The following PTMA variants were observed in gnomAD, a reference collection of about 807,000 sequenced individuals.
PTMA encodes the protein gene sequence 28.
In PTMA, 4 loss-of-function variants were observed where a neutral mutation model predicts 16.9. That is an observed-to-expected ratio of 0.24 (90% confidence interval 0.12 to 0.54). The LOEUF is 0.54. Ranked by LOEUF, PTMA falls within the 20% of genes least tolerant of loss-of-function variation. The pLI is 0.95. For missense variants in PTMA, 120 were observed against 137.7 expected (o/e 0.87, Z 0.64); for synonymous variants, 58 against 47.9 (o/e 1.21, Z -0.87).
intron 3 of PTMA, 37 bp downstream of exon 3, chr2:231,712,020 T>C (rs1241244919): frequency 6.4e-7 from 1 of 1,550,846 alleles, no homozygotes; most frequent in Non-Finnish European, 8.7e-7. Context: ...TTTCAGGTAC[T>C]TTTTCCTGGC....
chr2:231,711,080 A>C, intron 1 of PTMA: 1 of 326,402 alleles, frequency 3.1e-6, no homozygotes, highest in Non-Finnish European at 5.7e-6. Flanking sequence ...TTTCCTGGGA[A>C]GCGCCAGGGG....
In PTMA at chr2:231,712,915, T is replaced by G; in HGVS notation, c.*64T>G. The G allele has an allele frequency of 2.0e-6, 3 of 1,485,866 alleles. No individual in the cohort carries two copies. Among genetic ancestry groups the G allele is most frequent in the Non-Finnish European group, 2.7e-6 (3 of 1,103,618 alleles). 92.0% of individuals were successfully genotyped at this position (1,485,866 alleles called of 1,614,324 possible). On this transcript the variant is annotated 3_prime_UTR_variant, in exon 5 of 5. Coordinates refer to ENST00000409115, the MANE Select transcript of PTMA (RefSeq NM_002823.5). ...CCGCCGTGACCTATTCACCCTCCACTTCCCGTCTCAGAATCTAAACGTGGT... is the reference window on the plus strand; with the variant it reads ...CCGCCGTGACCTATTCACCCTCCACGTCCCGTCTCAGAATCTAAACGTGGT...
chr2:231,709,628 T>TG (rs746355592), intron 1 of PTMA, among the ~76,000 whole-genome samples: 116 of 152,094 alleles, frequency 7.6e-4, no homozygotes, highest in Admixed American at 2.4e-3. Flanking sequence ...AGGGTCGAAC[T>TG]GGGGGGGCGC....
chr2:231,709,278 TA>T (rs571814042), intron 1 of PTMA, among the ~76,000 whole-genome samples: 193 of 152,076 alleles, frequency 1.3e-3, no homozygotes, highest in Non-Finnish European at 2.3e-3. Flanking sequence ...TTGTCTAGAC[TA>T]AGTCCCGATA....
chr2:231,710,295 C>G (rs2048500266), intron 1 of PTMA: 1 of 1,269,178 alleles, frequency 7.9e-7, no homozygotes, highest in Non-Finnish European at 1.0e-6. Context: ...GGCCGGGAGT[C>G]TCCAAGGCAA....
chr2:231,710,209 G>C, intron 1 of PTMA: 1 of 1,336,096 alleles, frequency 7.5e-7, no homozygotes, highest in Non-Finnish European at 9.7e-7. Flanking sequence ...CGGGGTGGCG[G>C]CAGTGGGGCG....
intron 1 of PTMA, 61 bp downstream of exon 1, chr2:231,708,812 G>A (rs558465855): frequency 1.9e-6 from 3 of 1,562,218 alleles, no homozygotes; most frequent in South Asian, 1.1e-5. Flanking sequence ...GCGGTGTTTG[G>A]CGCGCAGCAG....
intron 1 of PTMA, 56 bp downstream of exon 1, chr2:231,708,807 G>A (rs2048474036): frequency 1.3e-6 from 2 of 1,574,374 alleles, no homozygotes; most frequent in South Asian, 1.1e-5. Flanking sequence ...CTCGGGCGGT[G>A]TTTGGCGCGC....
At chr2:231,711,126 C>T (rs1357790204) in intron 1 of PTMA, 1 of 441,770 alleles carries the variant, frequency 2.3e-6, no homozygotes, top group Non-Finnish European at 4.0e-6. Flanking sequence ...CTGTAGCGGG[C>T]CTTAAAGGAT....
At chr2:231,710,597 G>A (rs751542895) in intron 1 of PTMA, 1 of 498,198 alleles carries the variant, frequency 2.0e-6, no homozygotes, top group South Asian at 1.6e-5. Flanking sequence ...TGGTATTGGT[G>A]GCCGTGTCGT....
chr2:231,712,989 G>A lies in PTMA; in HGVS notation c.*138G>A, dbSNP rs62197233. 4.4e-3 allele frequency: 3,737 copies of A among 853,062 alleles called. 13 individuals are homozygous for A. Among genetic ancestry groups the A allele is most frequent in the Non-Finnish European group, 6.3e-3 (3,463 of 551,250 alleles). The allele number at this position is 853,062 out of a possible 1,614,324, so 52.8% of individuals were successfully genotyped here. ...CCGCCCACCGTGGGCAGTGCCACCC[G>A]CAGATGACACGCGCTCTCCACCACC... is the stretch of plus-strand genomic sequence containing the variant. On this transcript the variant is annotated 3_prime_UTR_variant, in exon 5 of 5. Transcript: ENST00000409115.
At chr2:231,710,671 C>G (rs563226738) in intron 1 of PTMA, 336 of 433,162 alleles carry the variant, frequency 7.8e-4, no homozygotes, top group African/African-American at 6.8e-3. Context: ...GAGTCCCACC[C>G]CCGAGGTGCT....
In PTMA at chr2:231,712,670, G is replaced by T. The variant is rs1285928227; in HGVS notation, c.286-134G>T. ...TAAGAACAGGAAGGAAACAGGGCTGGGCTCAACTTCCCAGAGGCCTTGGGC... is the reference window on the plus strand; with the variant it reads ...TAAGAACAGGAAGGAAACAGGGCTGTGCTCAACTTCCCAGAGGCCTTGGGC... On this transcript the variant is annotated intron_variant, in intron 4 of 4. Coordinates refer to ENST00000409115, the MANE Select transcript of PTMA (RefSeq NM_002823.5). 4.2e-5 allele frequency: 55 copies of T among 1,325,290 alleles called. No homozygotes were observed. In the African/African-American group the frequency reaches 8.1e-4, roughly 20 times the overall value. The allele number at this position is 1,325,290 out of a possible 1,614,324, so 82.1% of individuals were successfully genotyped here.
chr2:231,712,790 C>T lies in PTMA; in HGVS notation c.286-14C>T. The T allele has an allele frequency of 6.3e-7, 1 of 1,591,674 alleles. No individual in the cohort carries two copies. Among genetic ancestry groups the T allele is most frequent in the Non-Finnish European group, 8.6e-7 (1 of 1,169,182 alleles). On this transcript the variant is annotated splice_polypyrimidine_tract_variant and intron_variant, in intron 4 of 4. Transcript: ENST00000409115. ...TGGGGTTGGAGGGGCCTTTGACAGT[C>T]TTTCTCTGCTTAGGATGACGATGTC... is the stretch of plus-strand genomic sequence containing the variant.
intron 1 of PTMA, 38 bp from the exon 2 acceptor site, chr2:231,711,310 A>C (rs184481570): frequency 1.3e-6 from 2 of 1,578,324 alleles, no homozygotes; most frequent in African/African-American, 1.3e-5. Flanking sequence ...GTTGCTCAGA[A>C]GACTTACTGG....
chr2:231,710,937 C>T (rs2048510677), intron 1 of PTMA, among the ~76,000 whole-genome samples: 1 of 152,256 alleles, frequency 6.6e-6, no homozygotes, highest in African/African-American at 2.4e-5. Context: ...ATTTTTGGAA[C>T]ATAACCTGCC....
chr2:231,713,551 A>G lies in PTMA; in HGVS notation c.*700A>G, dbSNP rs1233370940. ...GAGTTGTTCTAACAAAGCTGTCTCA[A>G]GCCTGGTTTTTCTGTTTCAGTTTCT... is the stretch of plus-strand genomic sequence containing the variant. On this transcript the variant is annotated 3_prime_UTR_variant, in exon 5 of 5. Transcript: ENST00000409115. 1 of 411,234 alleles carries G rather than the reference A, an allele frequency of 2.4e-6. No individual in the cohort carries two copies. Among genetic ancestry groups the G allele is most frequent in the Non-Finnish European group, 4.9e-6 (1 of 203,684 alleles). 25.5% of individuals were successfully genotyped at this position (411,234 alleles called of 1,614,324 possible).
intron 1 of PTMA, chr2:231,709,858 C>T (rs1001024214): frequency 1.2e-5 from 3 of 254,678 alleles, no homozygotes; most frequent in Middle Eastern, 1.2e-3. Context: ...CGCGAGTCAC[C>T]TTGGCGTCTC....
intron 1 of PTMA, chr2:231,709,657 TC>T (rs2106241893): frequency 6.6e-6 from 1 of 152,514 alleles, no homozygotes; most frequent in African/African-American, 2.4e-5. Context: ...CGTGGCGGGT[TC>T]ACTGCCCTCG....
Sources: gnomAD v4.1 joint callset for allele counts (sites outside exome capture counted in the v4.1 genomes callset) on GRCh38, gnomAD v4.1.1 for gene constraint, MANE v1.5 for transcripts, NCBI Gene and HGNC (gene_info 2026-07-23, HGNC 2026-07-21) for gene names.